Variants in EWSR1 observed in about 807,000 individuals in gnomAD.
The protein encoded by EWSR1 is EWS RNA binding protein 1, also known as RNA-binding protein EWS.
Under a neutral mutation model 92.1 loss-of-function variants are expected in EWSR1, and 14 were observed. The ratio of observed to expected loss-of-function variants is 0.15; its 90% confidence interval spans 0.10 to 0.24. The LOEUF (loss-of-function observed/expected upper bound fraction) is 0.24. Ranked by LOEUF, EWSR1 falls within the 10% of genes least tolerant of loss-of-function variation. The pLI, the probability that EWSR1 is intolerant of heterozygous loss-of-function variation, is 1.00. For missense variants in EWSR1, 637 were observed against 870.9 expected (o/e 0.73, Z 3.38); for synonymous variants, 303 against 292.9 (o/e 1.03, Z -0.35).
intron 5 of EWSR1, among the ~76,000 whole-genome samples, chr22:29,281,666 C>T (rs990295056): frequency 1.1e-4 from 16 of 152,030 alleles, no homozygotes; most frequent in African/African-American, 3.6e-4. Flanking sequence ...CTGCCAGCTC[C>T]GCCTCCTGGG....
chr22:29,287,450 C>G (rs998202976), intron 7 of EWSR1, among the ~76,000 whole-genome samples: 1 of 152,184 alleles, frequency 6.6e-6, no homozygotes, highest in Non-Finnish European at 1.5e-5. Flanking sequence ...TCAGGTGATC[C>G]TCCCGCCTCA....
intron 5 of EWSR1, among the ~76,000 whole-genome samples, chr22:29,282,156 A>T (rs1393683232): frequency 6.6e-6 from 1 of 152,194 alleles, no homozygotes; most frequent in Non-Finnish European, 1.5e-5. Context: ...TTCTGTGGAT[A>T]TGATTGATTC....
In EWSR1 at chr22:29,273,648, T is replaced by G. The variant is rs190780630; in HGVS notation, c.103-93T>G. 1.7e-5 allele frequency: 24 copies of G among 1,411,646 alleles called. No homozygotes were observed. The African/African-American group carries it at 3.4e-4, about 20-fold the overall frequency. The allele number at this position is 1,411,646 out of a possible 1,614,324, so 87.4% of individuals were successfully genotyped here. On this transcript the variant is annotated intron_variant, in intron 3 of 16. Transcript: ENST00000397938. ...TTTTTTAATCTTCTAGAAAGGAATG[T>G]TTTTGATTTTGGTTCTCCAATTTAG...
At chr22:29,290,291 T>G (rs1305923760) in intron 8 of EWSR1, 2 of 899,680 alleles carry the variant, frequency 2.2e-6, no homozygotes, top group Non-Finnish European at 1.7e-6. Context: ...CAGTGTCTTG[T>G]ACAGGTAAGG....
chr22:29,298,728 TGTAGGTCCA>T lies in EWSR1; in HGVS notation c.1418-3_1423del, dbSNP rs1324010018. On this transcript the variant is annotated splice_acceptor_variant and splice_polypyrimidine_tract_variant and coding_sequence_variant and intron_variant, in exon 14 of 17. Coordinates refer to ENST00000397938, the MANE Select transcript of EWSR1 (RefSeq NM_005243.4). LOFTEE classifies it high-confidence loss of function. ...ATTTGCTGTTTCTTGTTGTTCTTGT[TGTAGGTCCA>T]GGAGGCCCAGGAGGTCCTGGGGGAC... The T allele has an allele frequency of 2.7e-5, 43 of 1,613,142 alleles. No individual in the cohort carries two copies. The highest frequency in any genetic ancestry group is 3.5e-5 in the Non-Finnish European group (41 of 1,179,898).
Position 29,300,407 on chromosome 22 carries a change from G to T in EWSR1, c.*246G>T, listed in dbSNP as rs1265240518. 1 of 435,988 alleles carries T rather than the reference G, an allele frequency of 2.3e-6. No individual in the cohort carries two copies. 27.0% of individuals were successfully genotyped at this position (435,988 alleles called of 1,614,324 possible). A position where few individuals can be genotyped will look rare whatever the true frequency, so the allele number is the denominator to read the frequency against. ...AAGACTTTAACAATGGGAACCCCTTGTGAGCATGCTCAGTATCATTGTGGA... is the reference window on the plus strand; with the variant it reads ...AAGACTTTAACAATGGGAACCCCTTTTGAGCATGCTCAGTATCATTGTGGA... On this transcript the variant is annotated 3_prime_UTR_variant, in exon 17 of 17. Coordinates refer to ENST00000397938, the MANE Select transcript of EWSR1 (RefSeq NM_005243.4).
At chr22:29,296,016 A>G (rs1188619529) in intron 11 of EWSR1, 3 of 498,058 alleles carry the variant, frequency 6.0e-6, no homozygotes, top group Non-Finnish European at 1.1e-5. Context: ...AGTGGGGCCT[A>G]TCCTGTTCAC....
At chr22:29,292,730 T>G in intron 11 of EWSR1, 124 bp downstream of exon 11, 1 of 596,482 alleles carries the variant, frequency 1.7e-6, no homozygotes. Context: ...TCTAGGTATC[T>G]TATGGTTTGT....
intron 9 of EWSR1, 71 bp downstream of exon 9, chr22:29,291,670 T>G: frequency 7.2e-7 from 1 of 1,386,156 alleles, no homozygotes; most frequent in Non-Finnish European, 9.9e-7. Context: ...AACTATAATT[T>G]TTTTATTAGT....
chr22:29,280,876 T>TG (rs1569073238), intron 5 of EWSR1, among the ~76,000 whole-genome samples: 3 of 104,890 alleles, frequency 2.9e-5, no homozygotes, highest in Admixed American at 9.9e-5. Flanking sequence ...TTTTTTTTTT[T>TG]TTTTTTTTTT....
chr22:29,286,918 T>C lies in EWSR1; in HGVS notation c.582-5T>C, dbSNP rs754583821. On this transcript the variant is annotated splice_polypyrimidine_tract_variant and splice_region_variant and intron_variant, in intron 6 of 16. Transcript: ENST00000397938. The stretch of plus-strand genomic sequence containing the variant: ...TTTTTTTTTTTTCTCTTCTCTCTCT[T>C]TCAGCTATTCCTCTACACAGCCGAC... 51 of 1,611,350 alleles carry C rather than the reference T, an allele frequency of 3.2e-5. No homozygotes were observed. The Middle Eastern group carries it at 1.7e-3, about 52-fold the overall frequency.
intron 7 of EWSR1, among the ~76,000 whole-genome samples, chr22:29,287,526 CA>C (rs963527983): frequency 4.6e-5 from 7 of 152,070 alleles, no homozygotes; most frequent in Non-Finnish European, 8.8e-5. Flanking sequence ...AGTTTTTGAA[CA>C]GGGGGAATAC....
chr22:29,299,165 A>G (rs1207305600), intron 14 of EWSR1, 69 bp from the exon 15 acceptor site: 1 of 1,613,422 alleles, frequency 6.2e-7, no homozygotes, highest in South Asian at 1.1e-5. Flanking sequence ...ACCTGTTCAC[A>G]CACCACCTTT....
Position 29,287,250 on chromosome 22 carries a change from T to C in EWSR1, c.793+116T>C, listed in dbSNP as rs984892037. On this transcript the variant is annotated intron_variant, in intron 7 of 16. Transcript: ENST00000397938. Reference sequence around the variant, plus strand: ...TGAGATGGAGTTTCACTCTTGGGGCTGAGGCTGGAGTACAGTGGTGCCATC... The same window carrying C: ...TGAGATGGAGTTTCACTCTTGGGGCCGAGGCTGGAGTACAGTGGTGCCATC... 4.8e-6 allele frequency: 5 copies of C among 1,046,674 alleles called. No homozygotes were observed. The African/African-American group carries it at 6.3e-5, about 13-fold the overall frequency. 64.8% of individuals were successfully genotyped at this position (1,046,674 alleles called of 1,614,324 possible).
At chr22:29,288,560 G>T (rs1435290158) in intron 7 of EWSR1, 46 bp from the exon 8 acceptor site, 1 of 1,534,462 alleles carries the variant, frequency 6.5e-7, no homozygotes, top group African/African-American at 1.4e-5. Flanking sequence ...ATCAGGCAGT[G>T]GTGTAAATGC....
chr22:29,286,307 G>C (rs570362085), intron 6 of EWSR1, among the ~76,000 whole-genome samples: 1 of 151,812 alleles, frequency 6.6e-6, no homozygotes, highest in African/African-American at 2.4e-5. Context: ...ATGAGCCTCC[G>C]CTCCCAGCTG....
At chr22:29,282,648 G>A (rs2147188118) in intron 6 of EWSR1, 91 bp downstream of exon 6, 7 of 1,094,740 alleles carry the variant, frequency 6.4e-6, no homozygotes, top group South Asian at 2.0e-5. Flanking sequence ...TTCAGCTAAG[G>A]TATGTTATCT....
chr22:29,293,679 C>T (rs550665517), intron 11 of EWSR1, among the ~76,000 whole-genome samples: 1 of 152,180 alleles, frequency 6.6e-6, no homozygotes, highest in African/African-American at 2.4e-5. Flanking sequence ...ATTGTCCTGC[C>T]TCAGCCTCCT....
chr22:29,294,825 A>AT (rs1382983166), intron 11 of EWSR1, among the ~76,000 whole-genome samples: 2 of 150,970 alleles, frequency 1.3e-5, no homozygotes, highest in African/African-American at 4.9e-5. Flanking sequence ...AGGCAGGAGA[A>AT]TCAGTTGATC....
Sources: allele counts gnomAD v4.1 joint callset (sites outside exome capture counted in the v4.1 genomes callset), GRCh38; gene constraint gnomAD v4.1.1; transcripts MANE v1.5; gene names NCBI Gene and HGNC (gene_info 2026-07-23, HGNC 2026-07-21).